Variants in PITPNM3 observed in about 807,000 individuals in gnomAD.
PITPNM3 encodes the protein PITPNM family member 3.
PITPNM3 carries 26 observed loss-of-function variants against 102.0 expected under a neutral mutation model. The ratio of observed to expected loss-of-function variants is 0.25; its 90% confidence interval spans 0.19 to 0.35. The LOEUF is 0.35. Ranked by LOEUF, PITPNM3 falls within the 10% of genes least tolerant of loss-of-function variation. PITPNM3 has a pLI of 1.00. For synonymous variants in PITPNM3, 578 were observed against 558.6 expected, an observed-to-expected ratio of 1.03 and a Z score of -0.49; for missense variants, 1,083 against 1,346.1, an observed-to-expected ratio of 0.80 and a Z score of 3.06.
chr17:6,524,041 T>C (rs1908686189), intron 3 of PITPNM3, among the ~76,000 whole-genome samples: 1 of 152,216 alleles, frequency 6.6e-6, no homozygotes, highest in Non-Finnish European at 1.5e-5. Context: ...GTTGGTTAGA[T>C]GGGATGACCA....
At chr17:6,527,186 C>T (rs183261798) in intron 2 of PITPNM3, among the ~76,000 whole-genome samples, 15 of 152,306 alleles carry the variant, frequency 9.8e-5, no homozygotes, top group African/African-American at 3.1e-4. Context: ...GAAAATACGA[C>T]GCAAGTCAAG....
chr17:6,533,906 C>G (rs567669809), intron 2 of PITPNM3, among the ~76,000 whole-genome samples: 1 of 152,316 alleles, frequency 6.6e-6, no homozygotes, highest in South Asian at 2.1e-4. Flanking sequence ...TGGACGGACG[C>G]ACCATTAATA....
chr17:6,488,437 C>G (rs1242735023), intron 4 of PITPNM3, among the ~76,000 whole-genome samples: 1 of 152,040 alleles, frequency 6.6e-6, no homozygotes, highest in Non-Finnish European at 1.5e-5. Context: ...CTGGTCCTGG[C>G]TTACTCGTCT....
intron 4 of PITPNM3, among the ~76,000 whole-genome samples, chr17:6,499,402 G>A (rs1376191055): frequency 2.6e-5 from 4 of 152,236 alleles, no homozygotes; most frequent in Non-Finnish European, 5.9e-5. Flanking sequence ...AAGAGGCCCT[G>A]TGCTGTCTGG....
At position 6,477,335 on chromosome 17, in the gene PITPNM3, T is replaced by C. The variant is rs1905369035; in HGVS notation, c.901-122A>G. ...ATCCTAAGATGTGAGGGGCTACCCT[T>C]CTTCCAAAAGACACAGGAAGCCACA... On this transcript the variant is annotated intron_variant, in intron 8 of 19. Transcript: ENST00000262483. The C allele has an allele frequency of 3.8e-6, 4 of 1,054,060 alleles. No homozygotes were observed. In the African/African-American group the frequency reaches 6.3e-5, roughly 17 times the overall value. The allele number at this position is 1,054,060 out of a possible 1,614,324, so 65.3% of individuals were successfully genotyped here. A position where few individuals can be genotyped will look rare whatever the true frequency, so the allele number is the denominator to read the frequency against.
intron 19 of PITPNM3, among the ~76,000 whole-genome samples, chr17:6,456,239 G>A (rs924660148): frequency 3.3e-5 from 5 of 151,942 alleles, no homozygotes; most frequent in African/African-American, 4.8e-5. Context: ...TGCCAGGGCT[G>A]GCCTTGAACC....
intron 14 of PITPNM3, among the ~76,000 whole-genome samples, chr17:6,467,556 T>C (rs377049857): frequency 3.9e-5 from 6 of 152,352 alleles, no homozygotes; most frequent in African/African-American, 1.2e-4. Context: ...TCATGAAGGA[T>C]TGATCTCCTT....
At position 6,528,576 on chromosome 17, in the gene PITPNM3, T is replaced by C. The variant is rs567135715; in HGVS notation, c.119-3113A>G. The stretch of plus-strand genomic sequence containing the variant: ...ATGCATGTGTGAGTATGTGCATATG[T>C]GCATGTGTGTGCATATGTGTGTGGC... On this transcript the variant is annotated intron_variant, in intron 2 of 19. Coordinates refer to ENST00000262483, the MANE Select transcript of PITPNM3 (RefSeq NM_031220.4). Among the ~76,000 whole-genome samples the C allele has an allele frequency of 3.3e-5, 5 of 152,250 alleles. No homozygotes were observed. The South Asian group carries it at 1.0e-3, about 32-fold the overall frequency.
intron 3 of PITPNM3, among the ~76,000 whole-genome samples, chr17:6,507,309 C>T (rs1168323071): frequency 6.6e-6 from 1 of 152,208 alleles, no homozygotes; most frequent in Non-Finnish European, 1.5e-5. Context: ...CTTGGCCGGG[C>T]ATGGTGGCTC....
chr17:6,469,709 C>A lies in PITPNM3; in HGVS notation c.1773+551G>T, dbSNP rs1904966761. Among the ~76,000 whole-genome samples the A allele has an allele frequency of 6.6e-6, 1 of 152,224 alleles. No individual in the cohort carries two copies. Among genetic ancestry groups the A allele is most frequent in the Non-Finnish European group, 1.5e-5 (1 of 68,036 alleles). On this transcript the variant is annotated intron_variant, in intron 13 of 19. Transcript: ENST00000262483. The surrounding 1 kb of genome is among the most constrained non-coding windows in gnomAD (Gnocchi z 4.0). ...TCCTCTCCTGCCGTGAAAACAGCAG[C>A]CTCAGCCTCAGGGTTTCCTTCAAAA...
At chr17:6,473,041 C>T (rs1905138267) in intron 10 of PITPNM3, 3 of 605,636 alleles carry the variant, frequency 5.0e-6, no homozygotes, top group Non-Finnish European at 8.8e-6. Flanking sequence ...CCGTGCTGCA[C>T]AGCTGCCCTT....
chr17:6,519,409 A>G (rs538332946), intron 3 of PITPNM3, among the ~76,000 whole-genome samples: 4 of 150,014 alleles, frequency 2.7e-5, no homozygotes, highest in South Asian at 2.1e-4. Flanking sequence ...AGTCCCAGCT[A>G]CTGGGGGACT....
rs1914032945 is a variant in PITPNM3 at position 6,455,224 on chromosome 17, C to G, written c.*114G>C. 1 of 1,333,414 alleles carries G rather than the reference C, an allele frequency of 7.5e-7. No homozygotes were observed. Among genetic ancestry groups the G allele is most frequent in the South Asian group, 1.5e-5 (1 of 67,772 alleles). The allele number at this position is 1,333,414 out of a possible 1,614,324, so 82.6% of individuals were successfully genotyped here. A position where few individuals can be genotyped will look rare whatever the true frequency, so the allele number is the denominator to read the frequency against. ...CTCTGGTCGGACACTGCTGGACAGA[C>G]ACGGGAGGGAAAAAGCAGGAAAACG... On this transcript the variant is annotated 3_prime_UTR_variant, in exon 20 of 20. Transcript: ENST00000262483.
Position 6,538,994 on chromosome 17 carries a change from A to G in PITPNM3, c.23-912T>C, listed in dbSNP as rs370677691. Among the ~76,000 whole-genome samples, 4 of 151,866 alleles carry G rather than the reference A, an allele frequency of 2.6e-5. No homozygotes were observed. The East Asian group carries it at 7.7e-4, about 29-fold the overall frequency. ...CAGAGCATAAACTGTTCCTGAAGGG[A>G]GACGGTCAGCCCAGGCCATCCAGGG... On this transcript the variant is annotated intron_variant, in intron 1 of 19. Transcript: ENST00000262483.
intron 6 of PITPNM3, 121 bp downstream of exon 6, chr17:6,483,395 TG>T: frequency 1.0e-6 from 1 of 956,140 alleles, no homozygotes; most frequent in South Asian, 1.4e-5. Flanking sequence ...CGTCACGATC[TG>T]ACACCCCAGA....
intron 4 of PITPNM3, among the ~76,000 whole-genome samples, chr17:6,497,661 G>C (rs991424301): frequency 3.3e-5 from 5 of 152,232 alleles, no homozygotes; most frequent in African/African-American, 1.2e-4. Context: ...ACGTGGGACA[G>C]CTGCCTGCGG....
At position 6,468,998 on chromosome 17, in the gene PITPNM3, G is replaced by A. The variant is rs969258104; in HGVS notation, c.1774-657C>T. ...CGGAAGCCATTCTTGCCACTGCCCCGGTGACTCCCACCCCGCCTATCTCAG... is the reference window on the plus strand; with the variant it reads ...CGGAAGCCATTCTTGCCACTGCCCCAGTGACTCCCACCCCGCCTATCTCAG... On this transcript the variant is annotated intron_variant, in intron 13 of 19. Transcript: ENST00000262483. This position sits in a 1 kb window ranked among gnomAD's most constrained non-coding sequence, Gnocchi z 5.2. Among the ~76,000 whole-genome samples the A allele has an allele frequency of 1.3e-5, 2 of 151,828 alleles. No homozygotes were observed. The highest frequency in any genetic ancestry group is 6.6e-5 in the Admixed American group (1 of 15,244).
chr17:6,487,820 T>A (rs1906187754), intron 4 of PITPNM3, among the ~76,000 whole-genome samples: 1 of 152,140 alleles, frequency 6.6e-6, no homozygotes, highest in Admixed American at 6.5e-5. Context: ...CCACCAACGA[T>A]GTTGAGGCCG....
intron 1 of PITPNM3, among the ~76,000 whole-genome samples, chr17:6,545,638 T>C (rs1347593907): frequency 1.3e-5 from 2 of 152,190 alleles, no homozygotes; most frequent in East Asian, 1.9e-4. Context: ...CCTTTCCTCC[T>C]GCAGGTCCTG....
Sources: allele counts gnomAD v4.1 joint callset (sites outside exome capture counted in the v4.1 genomes callset), GRCh38; gene constraint gnomAD v4.1.1; non-coding constraint Gnocchi (gnomAD v3.1); transcripts MANE v1.5; gene names NCBI Gene and HGNC (gene_info 2026-07-23, HGNC 2026-07-21).